Variants in PDE4D observed in about 807,000 individuals in gnomAD.
The protein encoded by PDE4D is 3',5'-cyclic-AMP phosphodiesterase 4D.
In PDE4D, 24 loss-of-function variants were observed where a neutral mutation model predicts 87.4. The ratio of observed to expected loss-of-function variants is 0.27; its 90% CI spans 0.20 to 0.39. PDE4D has a LOEUF of 0.39. PDE4D is among the 10% of genes least tolerant of loss of function. The pLI is 1.00. For synonymous variants in PDE4D, 384 were observed against 383.2 expected, an observed-to-expected ratio of 1.00 and a Z score of -0.02; for missense variants, 714 against 1,041.0, an observed-to-expected ratio of 0.69 and a Z score of 4.32.
intron 2 of PDE4D, among the ~76,000 whole-genome samples, chr5:60,115,218 C>T (rs13156662): frequency 0.022 from 3,409 of 152,108 alleles, 63 homozygotes; most frequent in Middle Eastern, 0.048. Context: ...CTGGAAGTAG[C>T]CATCTTTGTG....
chr5:59,147,392 GA>G (rs1263775251), intron 5 of PDE4D, among the ~76,000 whole-genome samples: 3 of 152,068 alleles, frequency 2.0e-5, no homozygotes, highest in East Asian at 3.9e-4. Flanking sequence ...TAAATTGGAA[GA>G]TTTTTTTTAA....
chr5:59,426,067 A>G (rs576189660), intron 1 of PDE4D, among the ~76,000 whole-genome samples: 87 of 152,306 alleles, frequency 5.7e-4, no homozygotes, highest in African/African-American at 1.9e-3. Context: ...TGACACATAC[A>G]GAGATCCCAG....
chr5:59,191,020 T>C (rs1226270696), intron 3 of PDE4D, among the ~76,000 whole-genome samples: 1 of 152,208 alleles, frequency 6.6e-6, no homozygotes, highest in Non-Finnish European at 1.5e-5. Context: ...TAATATACTA[T>C]GGGATTATTT....
intron 3 of PDE4D, among the ~76,000 whole-genome samples, chr5:59,937,930 T>C (rs935913160): frequency 1.3e-5 from 2 of 152,214 alleles, no homozygotes; most frequent in African/African-American, 4.8e-5. Flanking sequence ...AGGTATGACA[T>C]AGCTGTCTCC....
chr5:59,440,548 G>A (rs1238603703), intron 1 of PDE4D, among the ~76,000 whole-genome samples: 3 of 152,180 alleles, frequency 2.0e-5, no homozygotes, highest in Middle Eastern at 3.4e-3. Flanking sequence ...AGGCTGAGGC[G>A]GGCAGATCAT....
intron 5 of PDE4D, among the ~76,000 whole-genome samples, chr5:59,176,217 GACCTACCTTTAAA>G (rs76122775): frequency 0.47 from 71,939 of 151,812 alleles, 17,512 homozygotes; most frequent in Middle Eastern, 0.55. Context: ...ACTGGCCAGT[GACCTACCTTTAAA>G]ACCTAGCTTT....
intron 5 of PDE4D, among the ~76,000 whole-genome samples, chr5:59,108,815 A>G (rs1772062976): frequency 1.3e-5 from 2 of 151,152 alleles, no homozygotes. Flanking sequence ...GAGGCAGGAG[A>G]ATCACTTGAA....
chr5:60,103,298 T>G (rs796509616), intron 2 of PDE4D, among the ~76,000 whole-genome samples: 12 of 152,292 alleles, frequency 7.9e-5, no homozygotes, highest in African/African-American at 2.9e-4. Context: ...TGCTTTTGGG[T>G]GGACATGAAC....
At chr5:59,156,145 G>A (rs1780140537) in intron 5 of PDE4D, among the ~76,000 whole-genome samples, 1 of 151,750 alleles carries the variant, frequency 6.6e-6, no homozygotes. Flanking sequence ...GTAAGGAAGT[G>A]GAAAAGGCAG....
At chr5:59,127,548 GAAGA>G (rs1357148605) in intron 5 of PDE4D, among the ~76,000 whole-genome samples, 1 of 151,710 alleles carries the variant, frequency 6.6e-6, no homozygotes, top group Non-Finnish European at 1.5e-5. Context: ...GAAACGCATA[GAAGA>G]AAGAAGAGTT....
intron 1 of PDE4D, among the ~76,000 whole-genome samples, chr5:59,384,384 G>A (rs564671659): frequency 7.2e-5 from 11 of 152,194 alleles, no homozygotes; most frequent in Middle Eastern, 3.4e-3. Context: ...GCGTTGATTC[G>A]CTGGTGTGAG....
chr5:60,016,025 CTG>C (rs70975359), intron 2 of PDE4D, among the ~76,000 whole-genome samples: 8,280 of 146,338 alleles, frequency 0.057, 246 homozygotes, highest in Middle Eastern at 0.12. Flanking sequence ...CTCTCTCTCT[CTG>C]TGTGTGTGTG....
At chr5:59,553,154 A>G (rs1450787729) in intron 1 of PDE4D, among the ~76,000 whole-genome samples, 1 of 152,138 alleles carries the variant, frequency 6.6e-6, no homozygotes, top group Non-Finnish European at 1.5e-5. Flanking sequence ...GCAAGAAGGC[A>G]CAATTTAATC....
intron 1 of PDE4D, among the ~76,000 whole-genome samples, chr5:59,264,919 A>G (rs1298853996): frequency 3.3e-5 from 5 of 152,028 alleles, no homozygotes; most frequent in Non-Finnish European, 7.4e-5. Flanking sequence ...TGATGGAGAA[A>G]GCATCTTAAG....
chr5:59,457,210 G>A (rs1053392360), intron 1 of PDE4D, among the ~76,000 whole-genome samples: 1 of 152,126 alleles, frequency 6.6e-6, no homozygotes. Context: ...TTAAGAAATT[G>A]CTACAGCTTC....
At chr5:59,163,512 C>G (rs1246288576) in intron 5 of PDE4D, among the ~76,000 whole-genome samples, 1 of 152,016 alleles carries the variant, frequency 6.6e-6, no homozygotes, top group Non-Finnish European at 1.5e-5. Context: ...CTCAGGTGAT[C>G]CGCCCCTCCT....
chr5:58,999,060 G>GA lies in PDE4D; in HGVS notation c.922-5596dup, dbSNP rs559360744. ...CACCTAGGGCTTTATAGCTAAAGGTGAAAAAAACGTATTCCTCGTCAGGTT... is the reference window on the plus strand; with the variant it reads ...CACCTAGGGCTTTATAGCTAAAGGTGAAAAAAAACGTATTCCTCGTCAGGTT... On this transcript the variant is annotated intron_variant, in intron 6 of 14. Coordinates refer to ENST00000340635, the MANE Select transcript of PDE4D (RefSeq NM_001104631.2). 2.2e-3 allele frequency among the ~76,000 whole-genome samples: 339 copies of GA among 152,090 alleles called. 1 individual carries two copies. Among genetic ancestry groups the GA allele is most frequent in the African/African-American group, 7.8e-3 (325 of 41,518 alleles).
chr5:59,421,129 A>G (rs1421769655), intron 1 of PDE4D, among the ~76,000 whole-genome samples: 4 of 152,140 alleles, frequency 2.6e-5, no homozygotes, highest in Non-Finnish European at 5.9e-5. Context: ...TTCTCATACA[A>G]TCACAAGCTT....
intron 1 of PDE4D, among the ~76,000 whole-genome samples, chr5:59,752,414 A>C (rs976456717): frequency 6.6e-6 from 1 of 152,202 alleles, no homozygotes; most frequent in Non-Finnish European, 1.5e-5. Flanking sequence ...GTGGAATTTA[A>C]ATAACCCTAG....
Sources: gnomAD v4.1 joint callset for allele counts (sites outside exome capture counted in the v4.1 genomes callset) on GRCh38, gnomAD v4.1.1 for gene constraint, MANE v1.5 for transcripts, NCBI Gene and HGNC (gene_info 2026-07-23, HGNC 2026-07-21) for gene names.